Variants in PADI6 observed in about 807,000 individuals in gnomAD.
PADI6 encodes peptidyl arginine deiminase 6, also known as inactive protein-arginine deiminase type-6.
A neutral mutation model predicts 78.2 loss-of-function variants in PADI6; 66 were observed. The observed-to-expected ratio is 0.84, with a 90% CI of 0.69 to 1.04. The LOEUF (loss-of-function observed/expected upper bound fraction) is 1.04. Among genes scored for constraint, PADI6 ranks in the 50% least tolerant of loss-of-function variants. The probability of loss-of-function intolerance (pLI) is 0.00; values close to 1 mark genes in which losing one functional copy is unlikely to be tolerated. For missense variants in PADI6, 854 were observed against 866.1 expected, an observed-to-expected ratio of 0.99 and a Z score of 0.18; for synonymous variants, 397 against 346.9, an observed-to-expected ratio of 1.14 and a Z score of -1.60.
At chr1:17,383,913 C>A (rs1203269362) in intron 6 of PADI6, among the ~76,000 whole-genome samples, 1 of 152,102 alleles carries the variant, frequency 6.6e-6, no homozygotes, top group African/African-American at 2.4e-5. Context: ...CTTCGGGAGG[C>A]CAAGGCAGGC....
Position 17,401,188 on chromosome 1 carries a change from C to T in PADI6, c.1852-17C>T. The T allele has an allele frequency of 6.2e-7, 1 of 1,612,422 alleles. No homozygotes were observed. Among genetic ancestry groups the T allele is most frequent in the Non-Finnish European group, 8.5e-7 (1 of 1,178,728 alleles). ...CTGATCCCTGTCCAGGCCTCACCCA[C>T]CCTGTCTTTCTAACAGTTGCGGATG... is the stretch of plus-strand genomic sequence containing the variant. On this transcript the variant is annotated splice_polypyrimidine_tract_variant and intron_variant, in intron 15 of 15. Coordinates refer to ENST00000619609, the MANE Select transcript of PADI6 (RefSeq NM_207421.4).
chr1:17,397,244 G>T, intron 14 of PADI6, 103 bp downstream of exon 14: 1 of 1,244,644 alleles, frequency 8.0e-7, no homozygotes, highest in Non-Finnish European at 1.1e-6. Context: ...GTGTTGGGCG[G>T]CGGGGGGCAG....
intron 14 of PADI6, 74 bp from the exon 15 acceptor site, chr1:17,398,612 G>C: frequency 1.1e-6 from 1 of 945,580 alleles, no homozygotes; most frequent in Non-Finnish European, 1.6e-6. Flanking sequence ...CAGTATGGAA[G>C]GAAACTGGTT....
chr1:17,395,143 C>T (rs746377179), intron 12 of PADI6, 36 bp downstream of exon 12: 1 of 1,574,136 alleles, frequency 6.4e-7, no homozygotes, highest in South Asian at 1.2e-5. Flanking sequence ...ACATCTGACC[C>T]TTGCCTTCTG....
intron 2 of PADI6, 74 bp from the exon 3 acceptor site, chr1:17,375,353 C>T (rs1224097040): frequency 1.3e-5 from 18 of 1,373,808 alleles, no homozygotes; most frequent in Admixed American, 1.9e-5. Flanking sequence ...CTAGACTCGG[C>T]ACATGGCCTG....
At position 17,388,784 on chromosome 1, in the gene PADI6, C is replaced by G; in HGVS notation, c.866C>G (p.Pro289Arg). ...GACCTTGTCTTGTTGCAGTCAATTC[C>G]AGAGACTGTGCTGTACAAAGACACG... is the stretch of plus-strand genomic sequence containing the variant. ...LVEESQDPSI[P>R]ETVLYKDTVV... is the part of the protein sequence containing the mutation. Residue 289 changes from proline (P) to arginine (R), a missense_variant, in exon 8 of 16, where the codon CCA becomes CGA. Transcript: ENST00000619609. The G allele has an allele frequency of 6.2e-7, 1 of 1,613,218 alleles. No individual in the cohort carries two copies. The highest frequency in any genetic ancestry group is 8.5e-7 in the Non-Finnish European group (1 of 1,179,568).
chr1:17,380,995 CAG>C (rs753773812), intron 4 of PADI6, 50 bp from the exon 5 acceptor site: 13 of 1,468,924 alleles, frequency 8.9e-6, no homozygotes, highest in Middle Eastern at 2.0e-4. Flanking sequence ...ATCCGAGAAA[CAG>C]AAGATTTATT....
At chr1:17,375,760 C>T (rs868595474) in intron 3 of PADI6, among the ~76,000 whole-genome samples, 11 of 152,332 alleles carry the variant, frequency 7.2e-5, no homozygotes, top group Middle Eastern at 3.4e-3. Flanking sequence ...ACTTCCGTGT[C>T]GCTGCCATCT....
chr1:17,399,906 C>T (rs1052765060), intron 15 of PADI6, among the ~76,000 whole-genome samples: 1 of 151,710 alleles, frequency 6.6e-6, no homozygotes, highest in Non-Finnish European at 1.5e-5. Context: ...TGTGGTGGTG[C>T]ATGCCTATAA....
chr1:17,382,136 T>G, intron 6 of PADI6, 44 bp downstream of exon 6: 2 of 1,604,904 alleles, frequency 1.2e-6, no homozygotes, highest in Non-Finnish European at 1.7e-6. Flanking sequence ...GCTCTCGACG[T>G]GCCAGGCAAG....
chr1:17,395,499 A>C (rs747711184), intron 12 of PADI6, 41 bp from the exon 13 acceptor site: 24 of 1,544,854 alleles, frequency 1.6e-5, no homozygotes, highest in Non-Finnish European at 1.2e-5. Flanking sequence ...CACCATGTCC[A>C]GCTGAGAAAG....
chr1:17,388,350 G>A (rs757713990), intron 6 of PADI6, 31 bp from the exon 7 acceptor site: 4 of 1,575,530 alleles, frequency 2.5e-6, no homozygotes, highest in East Asian at 4.5e-5. Flanking sequence ...GGTTACTTCA[G>A]TGGCTGGTCC....
At chr1:17,396,350 C>T (rs1351415977) in intron 13 of PADI6, among the ~76,000 whole-genome samples, 5 of 152,294 alleles carry the variant, frequency 3.3e-5, no homozygotes, top group African/African-American at 1.2e-4. Context: ...CGTGCCATTG[C>T]ACTCCAGCCT....
rs1248630594 is a variant in PADI6, at chr1:17,397,079, G to A, written c.1627G>A (p.Ala543Thr). 2.5e-6 allele frequency: 4 copies of A among 1,613,812 alleles called. No homozygotes were observed. The highest frequency in any genetic ancestry group is 1.7e-5 in the Admixed American group (1 of 60,022). ...ADQLLSNGRE[A>T]KTIDQLLADE... The stretch of plus-strand genomic sequence containing the variant: ...CCCGCTTCTTCCTACAGGAAGGGAA[G>A]CCAAAACCATCGACCAACTTCTGGC... Residue 543 changes from alanine (A) to threonine (T), a missense_variant, in exon 14 of 16, where the codon GCC (alanine) becomes ACC (threonine). Coordinates refer to ENST00000619609, the MANE Select transcript of PADI6 (RefSeq NM_207421.4).
intron 2 of PADI6, 41 bp downstream of exon 2, chr1:17,373,274 G>A (rs2074982044): frequency 6.2e-7 from 1 of 1,603,372 alleles, no homozygotes; most frequent in South Asian, 1.1e-5. Context: ...CTCCCGGGGT[G>A]GGACCTAGCA....
At chr1:17,373,827 G>A (rs528788175) in intron 2 of PADI6, among the ~76,000 whole-genome samples, 1 of 152,144 alleles carries the variant, frequency 6.6e-6, no homozygotes, top group Non-Finnish European at 1.5e-5. Context: ...CTAAGGCACA[G>A]AGTGCTGTGT....
At chr1:17,400,054 C>CAA (rs780430626) in intron 15 of PADI6, among the ~76,000 whole-genome samples, 67 of 151,030 alleles carry the variant, frequency 4.4e-4, no homozygotes, top group Non-Finnish European at 8.0e-4. Flanking sequence ...CAAAACAAAA[C>CAA]AAAAAATGCT....
In PADI6 at chr1:17,392,222, C is replaced by T. The variant is rs531744275; in HGVS notation, c.1071C>T (p.Leu357=). ...YEDPNRLGRW[L]QDEMAFCYTQ... is the part of the protein sequence containing the mutation. ...ACCCCAACCGCCTGGGCAGGTGGCT[C>T]CAGGTAACACCCCACCTGGGAACCC... Residue 357 remains leucine (L), a synonymous_variant, in exon 9 of 16, where the codon CTC becomes CTT. Coordinates refer to ENST00000619609, the MANE Select transcript of PADI6 (RefSeq NM_207421.4). 5.3e-5 allele frequency: 82 copies of T among 1,552,354 alleles called. No homozygotes were observed. The highest frequency in any genetic ancestry group is 6.5e-5 in the Non-Finnish European group (75 of 1,147,222).
intron 6 of PADI6, among the ~76,000 whole-genome samples, chr1:17,386,838 A>AC (rs2075124418): frequency 6.6e-6 from 1 of 152,216 alleles, no homozygotes. Context: ...GACCCAGGGC[A>AC]GTGCCTAACC....
Sources: allele counts gnomAD v4.1 joint callset (sites outside exome capture counted in the v4.1 genomes callset), GRCh38; gene constraint gnomAD v4.1.1; transcripts MANE v1.5; gene names NCBI Gene and HGNC (gene_info 2026-07-23, HGNC 2026-07-21).